DCC: variants seen among roughly 807,000 people sequenced by gnomAD.
The protein encoded by DCC is DCC netrin 1 receptor.
DCC carries 58 observed loss-of-function variants against 172.5 expected under a neutral mutation model. The ratio of observed to expected loss-of-function variants is 0.34; its 90% CI spans 0.27 to 0.42. DCC has a LOEUF of 0.42. Ranked by LOEUF, DCC falls within the 10% of genes least tolerant of loss-of-function variation. The pLI is 1.00. For synonymous variants in DCC, 709 were observed against 644.5 expected, an observed-to-expected ratio of 1.10 and a Z score of -1.52; for missense variants, 1,740 against 1,791.0, an observed-to-expected ratio of 0.97 and a Z score of 0.51.
chr18:53,153,790 C>T (rs561902961), intron 7 of DCC, among the ~76,000 whole-genome samples: 33 of 152,100 alleles, frequency 2.2e-4, no homozygotes, highest in Non-Finnish European at 4.3e-4. Context: ...TTGGGATCTG[C>T]TTCTGTGAAG....
At chr18:52,792,824 T>C (rs62083270) in intron 2 of DCC, among the ~76,000 whole-genome samples, 88 of 137,150 alleles carry the variant, frequency 6.4e-4, no homozygotes, top group African/African-American at 2.2e-3. Flanking sequence ...AATTCCATTC[T>C]ATTCCATTCT....
At chr18:53,479,172 C>T (rs929010848) in intron 25 of DCC, among the ~76,000 whole-genome samples, 1 of 152,214 alleles carries the variant, frequency 6.6e-6, no homozygotes, top group Non-Finnish European at 1.5e-5. Context: ...GTTCAAAGCA[C>T]ACTTAAATTT....
intron 7 of DCC, among the ~76,000 whole-genome samples, chr18:53,118,702 A>T (rs1262964180): frequency 6.6e-6 from 1 of 151,762 alleles, no homozygotes; most frequent in Non-Finnish European, 1.5e-5. Context: ...ACATTATTAC[A>T]TCGAAACCCC....
intron 1 of DCC, among the ~76,000 whole-genome samples, chr18:52,648,136 T>C (rs1381461218): frequency 6.6e-6 from 1 of 152,210 alleles, no homozygotes; most frequent in Non-Finnish European, 1.5e-5. Flanking sequence ...TACTTAGATA[T>C]TGAGGAAGCT....
At chr18:53,471,580 G>T (rs1447360941) in intron 25 of DCC, among the ~76,000 whole-genome samples, 7 of 152,110 alleles carry the variant, frequency 4.6e-5, no homozygotes, top group Non-Finnish European at 1.0e-4. Flanking sequence ...TTTAGTCTCT[G>T]GGTTTATCCC....
chr18:52,497,347 ATATATATACACACATATACATATGTG>A (rs2030831992), intron 1 of DCC, among the ~76,000 whole-genome samples: 1 of 131,878 alleles, frequency 7.6e-6, no homozygotes, highest in African/African-American at 3.0e-5. Context: ...ACGTATGCAT[ATATATATACACACATATACATATGTG>A]TATATATGTA....
intron 1 of DCC, among the ~76,000 whole-genome samples, chr18:52,643,448 T>TCATTAAATGGCAATTAA (rs1399034749): frequency 6.6e-6 from 1 of 152,214 alleles, no homozygotes; most frequent in Non-Finnish European, 1.5e-5. Context: ...TTGGCCATCC[T>TCATTAAATGGCAATTAA]TCGCAATGCT....
At chr18:52,721,921 G>C (rs974871347) in intron 1 of DCC, among the ~76,000 whole-genome samples, 12 of 152,192 alleles carry the variant, frequency 7.9e-5, no homozygotes, top group Non-Finnish European at 1.2e-4. Context: ...CTACTTGGGA[G>C]GCTGAGGCAG....
chr18:52,430,901 A>G (rs1987599311), intron 1 of DCC, among the ~76,000 whole-genome samples: 1 of 152,142 alleles, frequency 6.6e-6, no homozygotes, highest in Non-Finnish European at 1.5e-5. Flanking sequence ...CTGTCTATAA[A>G]ACTTCTTGAT....
At chr18:52,488,114 G>T (rs1215577882) in intron 1 of DCC, among the ~76,000 whole-genome samples, 3 of 152,080 alleles carry the variant, frequency 2.0e-5, no homozygotes, top group African/African-American at 7.2e-5. Context: ...ACTTTAAAAG[G>T]AAAGAAACAA....
chr18:53,489,037 T>C (rs1353956492), intron 26 of DCC, among the ~76,000 whole-genome samples: 5 of 151,386 alleles, frequency 3.3e-5, no homozygotes. Flanking sequence ...CATGCGCCTA[T>C]AGTCCCAGCT....
chr18:53,305,646 T>A lies in DCC; in HGVS notation c.1980T>A (p.Ile660=), dbSNP rs1263209226. 1 of 1,614,012 alleles carries A rather than the reference T, an allele frequency of 6.2e-7. No individual in the cohort carries two copies. Among genetic ancestry groups the A allele is most frequent in the Admixed American group, 1.7e-5 (1 of 60,012 alleles). Residue 660 remains isoleucine, a synonymous_variant, in exon 13 of 29, where the codon ATT becomes ATA. Transcript: ENST00000442544. ...ATGGATTTATTACCGGCTATAAAAT[T>A]CGACACAGAAAGACGACCCGCAGGG... ...TQNGFITGYK[I]RHRKTTRRGE...
intron 2 of DCC, among the ~76,000 whole-genome samples, chr18:52,809,906 T>G (rs757704876): frequency 2.0e-5 from 3 of 152,048 alleles, no homozygotes; most frequent in Non-Finnish European, 4.4e-5. Context: ...CTAATTTGTA[T>G]TTTAGTGAGC....
intron 1 of DCC, among the ~76,000 whole-genome samples, chr18:52,592,242 A>G (rs944803249): frequency 3.3e-5 from 5 of 152,244 alleles, no homozygotes; most frequent in African/African-American, 1.2e-4. Flanking sequence ...AAAAATAGCC[A>G]GATCAACACT....
intron 7 of DCC, among the ~76,000 whole-genome samples, chr18:53,091,312 T>C (rs1478325670): frequency 6.7e-6 from 1 of 148,964 alleles, no homozygotes; most frequent in African/African-American, 2.4e-5. Context: ...ATATTTACTT[T>C]GACCGTTCTA....
intron 2 of DCC, among the ~76,000 whole-genome samples, chr18:52,765,676 A>G (rs1354992760): frequency 6.6e-6 from 1 of 152,160 alleles, no homozygotes; most frequent in Non-Finnish European, 1.5e-5. Context: ...CAAAGATCTC[A>G]TAAAGACACA....
chr18:52,947,795 G>C (rs1170724572), intron 5 of DCC, among the ~76,000 whole-genome samples: 1 of 152,080 alleles, frequency 6.6e-6, no homozygotes, highest in Admixed American at 6.5e-5. Flanking sequence ...CCCAGTGCAG[G>C]ACAACCTCAC....
At chr18:52,598,129 A>G (rs2033944424) in intron 1 of DCC, among the ~76,000 whole-genome samples, 1 of 152,164 alleles carries the variant, frequency 6.6e-6, no homozygotes, top group African/African-American at 2.4e-5. Flanking sequence ...TAAGCAAGAT[A>G]CTATATTGCA....
intron 1 of DCC, among the ~76,000 whole-genome samples, chr18:52,615,011 T>G (rs542320317): frequency 6.6e-6 from 1 of 152,322 alleles, no homozygotes; most frequent in East Asian, 1.9e-4. Flanking sequence ...TATATATTTT[T>G]TCCTTTTAGC....
Sources: gnomAD v4.1 joint callset for allele counts (sites outside exome capture counted in the v4.1 genomes callset) on GRCh38, gnomAD v4.1.1 for gene constraint, MANE v1.5 for transcripts, NCBI Gene and HGNC (gene_info 2026-07-23, HGNC 2026-07-21) for gene names.